Variants in LAPTM4B observed in about 807,000 individuals in gnomAD.
LAPTM4B encodes the protein lysosomal-associated transmembrane protein 4B.
A neutral mutation model predicts 28.5 loss-of-function variants in LAPTM4B; 26 were observed. The observed-to-expected ratio is 0.91, with a 90% confidence interval of 0.67 to 1.27. LAPTM4B has a LOEUF of 1.27. Ranked by LOEUF, LAPTM4B falls within the 50% of genes most tolerant of loss-of-function variation. The pLI is 0.00. For synonymous variants in LAPTM4B, 109 were observed against 106.4 expected (o/e 1.02, Z -0.15); for missense variants, 288 against 285.8 (o/e 1.01, Z -0.06).
At chr8:97,788,038 T>C (rs774908040) in intron 1 of LAPTM4B, among the ~76,000 whole-genome samples, 55 of 152,236 alleles carry the variant, frequency 3.6e-4, no homozygotes, top group Middle Eastern at 6.8e-3. Flanking sequence ...GGTCTCATAT[T>C]TATGACCGAA....
At chr8:97,841,630 C>T (rs868131086) in intron 6 of LAPTM4B, among the ~76,000 whole-genome samples, 2 of 152,318 alleles carry the variant, frequency 1.3e-5, no homozygotes, top group African/African-American at 2.4e-5. Flanking sequence ...GACCAGATAT[C>T]TTAAAGATAA....
At chr8:97,807,900 A>G (rs1249646125) in intron 2 of LAPTM4B, among the ~76,000 whole-genome samples, 1 of 151,906 alleles carries the variant, frequency 6.6e-6, no homozygotes, top group African/African-American at 2.4e-5. Flanking sequence ...AAAAAAAAAA[A>G]AAAAAAAGGA....
chr8:97,841,705 G>C (rs981560759), intron 6 of LAPTM4B, among the ~76,000 whole-genome samples: 39 of 152,166 alleles, frequency 2.6e-4, no homozygotes, highest in Non-Finnish European at 5.1e-4. Context: ...AGTTATTCCA[G>C]TTACTCACAG....
At chr8:97,837,248 G>A (rs536338243) in intron 6 of LAPTM4B, among the ~76,000 whole-genome samples, 7 of 149,580 alleles carry the variant, frequency 4.7e-5, no homozygotes, top group East Asian at 3.9e-4. Context: ...TGTGGAGTGC[G>A]TGGGTGTGAT....
At chr8:97,816,323 C>T (rs2331658) in intron 4 of LAPTM4B, 143 bp downstream of exon 4, 255,669 of 700,576 alleles carry the variant, frequency 0.36, 30,951 homozygotes, top group Non-Finnish European at 0.37. Context: ...TTTCTTTTTT[C>T]TTTTTTTTGA....
intron 1 of LAPTM4B, among the ~76,000 whole-genome samples, chr8:97,790,539 C>T (rs1004930775): frequency 5.3e-5 from 8 of 151,658 alleles, no homozygotes; most frequent in Non-Finnish European, 1.0e-4. Context: ...CTCGAACTCC[C>T]GACCTTGTGA....
At chr8:97,782,279 C>CTA (rs1816333390) in intron 1 of LAPTM4B, among the ~76,000 whole-genome samples, 1 of 50,238 alleles carries the variant, frequency 2.0e-5, no homozygotes, top group Non-Finnish European at 3.6e-5. Context: ...CCATGCCCAG[C>CTA]TTTTTTTTTT....
chr8:97,844,258 A>C lies in LAPTM4B; in HGVS notation c.604-7139A>C, dbSNP rs1817396698. 2.0e-5 allele frequency among the ~76,000 whole-genome samples: 3 copies of C among 151,958 alleles called. No individual in the cohort carries two copies. The South Asian group carries it at 6.2e-4, about 32-fold the overall frequency. ...CATGCACGTACCACCACACCCAGCT[A>C]ATTTTTCTTTTTTGTTGTTGTTGAG... On this transcript the variant is annotated intron_variant, in intron 6 of 6. Transcript: ENST00000521545.
chr8:97,790,709 G>A (rs890624830), intron 1 of LAPTM4B, among the ~76,000 whole-genome samples: 2 of 152,148 alleles, frequency 1.3e-5, no homozygotes, highest in South Asian at 2.1e-4. Context: ...GCTTCTCAAA[G>A]TGTTGGACTA....
intron 1 of LAPTM4B, among the ~76,000 whole-genome samples, chr8:97,800,893 C>T (rs940276529): frequency 1.3e-5 from 2 of 152,042 alleles, no homozygotes; most frequent in African/African-American, 4.8e-5. Flanking sequence ...AGGAGGATCA[C>T]TTGAGCCTGA....
intron 6 of LAPTM4B, among the ~76,000 whole-genome samples, chr8:97,842,424 C>A (rs558954636): frequency 2.0e-4 from 30 of 152,272 alleles, no homozygotes; most frequent in African/African-American, 7.2e-4. Flanking sequence ...TGTTCAGTAG[C>A]CCCTGCTTTT....
chr8:97,830,905 T>TA (rs1487097063), intron 6 of LAPTM4B, among the ~76,000 whole-genome samples: 1 of 152,132 alleles, frequency 6.6e-6, no homozygotes, highest in Non-Finnish European at 1.5e-5. Flanking sequence ...GGAAGATAGT[T>TA]ACCAAGAGGG....
intron 6 of LAPTM4B, among the ~76,000 whole-genome samples, chr8:97,828,052 A>T (rs191261254): frequency 5.6e-4 from 86 of 152,254 alleles, no homozygotes; most frequent in Admixed American, 5.5e-3. Flanking sequence ...GGCCTTCTGG[A>T]TGTATACGTG....
intron 1 of LAPTM4B, among the ~76,000 whole-genome samples, chr8:97,776,527 T>G (rs948278481): frequency 1.3e-5 from 2 of 152,196 alleles, no homozygotes; most frequent in African/African-American, 4.8e-5. Flanking sequence ...GTCGCGGAGG[T>G]GACGGCGCAT....
chr8:97,851,284 T>A, intron 6 of LAPTM4B, 113 bp from the exon 7 acceptor site: 1 of 854,588 alleles, frequency 1.2e-6, no homozygotes, highest in Admixed American at 1.9e-5. Context: ...AAAATTGAAC[T>A]TGGTACAAGT....
chr8:97,814,248 G>A (rs1308922863), intron 2 of LAPTM4B, among the ~76,000 whole-genome samples: 1 of 152,108 alleles, frequency 6.6e-6, no homozygotes, highest in Non-Finnish European at 1.5e-5. Context: ...GGTGGCTCAC[G>A]CCTGTAATCC....
rs1227497329 is a variant in LAPTM4B, at chr8:97,776,055, T to A, written c.46T>A (p.Cys16Ser). 3 of 1,588,354 alleles carry A rather than the reference T, an allele frequency of 1.9e-6. No individual in the cohort carries two copies. The highest frequency in any genetic ancestry group is 2.6e-6 in the Non-Finnish European group (3 of 1,171,202). ...PWTRFYSNSC[C>S]LCCHVRTGTI... ...GACGCGGTTCTACTCCAACAGCTGC[T>A]GCTTGTGCTGCCATGTCCGCACCGG... The change falls in exon 1 of 7, where the codon TGC becomes AGC. Residue 16 changes from cysteine to serine, a missense_variant. Transcript: ENST00000521545.
At chr8:97,786,218 T>C (rs1292668991) in intron 1 of LAPTM4B, among the ~76,000 whole-genome samples, 1 of 152,210 alleles carries the variant, frequency 6.6e-6, no homozygotes, top group Non-Finnish European at 1.5e-5. Flanking sequence ...CTCATTGTGC[T>C]TGACGGAAAG....
At chr8:97,845,814 CT>C (rs75780442) in intron 6 of LAPTM4B, among the ~76,000 whole-genome samples, 1 of 145,294 alleles carries the variant, frequency 6.9e-6, no homozygotes, top group African/African-American at 2.6e-5. Context: ...ATCAGCATAT[CT>C]TTTTTTTTCT....
Sources: allele counts gnomAD v4.1 joint callset (sites outside exome capture counted in the v4.1 genomes callset), GRCh38; gene constraint gnomAD v4.1.1; transcripts MANE v1.5; gene names NCBI Gene and HGNC (gene_info 2026-07-23, HGNC 2026-07-21).